PAX7: variants seen among roughly 807,000 people sequenced by gnomAD.
PAX7 encodes paired box protein Pax-7.
Under a neutral mutation model 50.7 loss-of-function variants are expected in PAX7, and 18 were observed. The observed-to-expected ratio is 0.36, with a 90% confidence interval of 0.25 to 0.53. The LOEUF (loss-of-function observed/expected upper bound fraction) is 0.53, where lower values mean the gene tolerates loss of function less well. PAX7 is among the 20% of genes least tolerant of loss of function. PAX7 has a pLI of 0.93. For synonymous variants in PAX7, 310 were observed against 290.4 expected, an observed-to-expected ratio of 1.07 and a Z score of -0.69; for missense variants, 644 against 702.9, an observed-to-expected ratio of 0.92 and a Z score of 0.95.
chr1:18,729,748 G>A (rs888279175), intron 7 of PAX7, among the ~76,000 whole-genome samples: 3 of 152,124 alleles, frequency 2.0e-5, no homozygotes, highest in African/African-American at 7.2e-5. Context: ...TACTTTGATG[G>A]TTCCTTCTTC....
chr1:18,748,734 C>A lies in PAX7; in HGVS notation c.*3805C>A. 1 of 229,786 alleles carries A rather than the reference C, an allele frequency of 4.4e-6. No individual in the cohort carries two copies. Among genetic ancestry groups the A allele is most frequent in the East Asian group, 6.2e-5 (1 of 16,222 alleles). 14.2% of individuals were successfully genotyped at this position (229,786 alleles called of 1,614,324 possible). A position where few individuals can be genotyped will look rare whatever the true frequency, so the allele number is the denominator to read the frequency against. ...AGGTGTGTGTTTAAATATAATCACACCATAATTTATTCAGCTATATGGAGT... is the reference window on the plus strand; with the variant it reads ...AGGTGTGTGTTTAAATATAATCACAACATAATTTATTCAGCTATATGGAGT... On this transcript the variant is annotated 3_prime_UTR_variant, in exon 9 of 9. Coordinates refer to ENST00000420770, the MANE Select transcript of PAX7 (RefSeq NM_001135254.2).
intron 4 of PAX7, among the ~76,000 whole-genome samples, chr1:18,644,088 C>T (rs999097062): frequency 4.6e-5 from 7 of 152,246 alleles, no homozygotes; most frequent in Non-Finnish European, 8.8e-5. Context: ...CCACTTTCCC[C>T]TCTTCCAGGC....
intron 7 of PAX7, among the ~76,000 whole-genome samples, chr1:18,729,233 C>A (rs1261116189): frequency 6.6e-6 from 1 of 152,186 alleles, no homozygotes; most frequent in African/African-American, 2.4e-5. Flanking sequence ...TTGGGGAAGT[C>A]AAAACGGTGA....
Position 18,634,288 on chromosome 1 carries a change from C to T in PAX7, c.86-15C>T. On this transcript the variant is annotated splice_polypyrimidine_tract_variant and intron_variant, in intron 1 of 8. Transcript: ENST00000420770. The surrounding 1 kb of genome is among the most constrained non-coding windows in gnomAD (Gnocchi z 4.0). ...CTGCACCTCTCTCCTTCTGCATCTCCCCTCCCTTCTCCAGTGTCCACCCCG... is the reference window on the plus strand; with the variant it reads ...CTGCACCTCTCTCCTTCTGCATCTCTCCTCCCTTCTCCAGTGTCCACCCCG... The T allele has an allele frequency of 6.2e-7, 1 of 1,605,376 alleles. No individual in the cohort carries two copies. Among genetic ancestry groups the T allele is most frequent in the Non-Finnish European group, 8.5e-7 (1 of 1,173,386 alleles).
chr1:18,680,606 G>A (rs1337465233), intron 4 of PAX7, among the ~76,000 whole-genome samples: 4 of 152,270 alleles, frequency 2.6e-5, no homozygotes, highest in African/African-American at 7.2e-5. Context: ...ACCCAGGTCC[G>A]TCTGACCTCA....
chr1:18,636,464 C>T lies in PAX7; in HGVS notation c.586+93C>T. On this transcript the variant is annotated intron_variant, in intron 4 of 8. Coordinates refer to ENST00000420770, the MANE Select transcript of PAX7 (RefSeq NM_001135254.2). The surrounding 1 kb of genome is among the most constrained non-coding windows in gnomAD (Gnocchi z 5.1). ...GGTTCGCTCCCGCCGCCGGAGCAGG[C>T]GACCAGAACTCCAGCGGAGAAACTC... is the stretch of plus-strand genomic sequence containing the variant. 1 of 1,433,054 alleles carries T rather than the reference C, an allele frequency of 7.0e-7. No homozygotes were observed. Among genetic ancestry groups the T allele is most frequent in the Admixed American group, 2.1e-5 (1 of 46,578 alleles). 88.8% of individuals were successfully genotyped at this position (1,433,054 alleles called of 1,614,324 possible).
intron 4 of PAX7, among the ~76,000 whole-genome samples, chr1:18,686,081 T>A (rs1396308938): frequency 1.3e-5 from 2 of 152,230 alleles, no homozygotes; most frequent in Non-Finnish European, 2.9e-5. Context: ...ACAAGCTGCC[T>A]TGATGTTTTA....
At chr1:18,712,803 C>T (rs1307908780) in intron 7 of PAX7, among the ~76,000 whole-genome samples, 4 of 152,080 alleles carry the variant, frequency 2.6e-5, no homozygotes, top group African/African-American at 4.8e-5. Flanking sequence ...ACTCTGGGGC[C>T]GGGTGTGGTG....
chr1:18,633,608 A>G (rs1292547208), intron 1 of PAX7, among the ~76,000 whole-genome samples: 1 of 152,184 alleles, frequency 6.6e-6, no homozygotes, highest in Non-Finnish European at 1.5e-5. Context: ...TAGGACTTCG[A>G]GGGTGGTTAG....
At chr1:18,731,716 G>A (rs1275671771) in intron 7 of PAX7, among the ~76,000 whole-genome samples, 1 of 152,124 alleles carries the variant, frequency 6.6e-6, no homozygotes, top group African/African-American at 2.4e-5. Context: ...GGGGCTCTGG[G>A]AGAGAGTAAG....
Position 18,726,978 on chromosome 1 carries a change from G to A in PAX7, c.1156-8654G>A, listed in dbSNP as rs1197885726. 2.6e-5 allele frequency among the ~76,000 whole-genome samples: 4 copies of A among 152,130 alleles called. No individual in the cohort carries two copies. The highest frequency in any genetic ancestry group is 9.7e-5 in the African/African-American group (4 of 41,402). ...GAGCTTCAGCCTGTACTCTGGGTTG[G>A]GGCACACAGGATCTGTGCCCTATAC... On this transcript the variant is annotated intron_variant, in intron 7 of 8. Transcript: ENST00000420770. The surrounding 1 kb of genome is among the most constrained non-coding windows in gnomAD (Gnocchi z 4.8).
At chr1:18,658,792 G>T (rs2088559848) in intron 4 of PAX7, among the ~76,000 whole-genome samples, 1 of 152,250 alleles carries the variant, frequency 6.6e-6, no homozygotes, top group South Asian at 2.1e-4. Context: ...AGGAGAGCTG[G>T]CTGGGGTTGA....
chr1:18,702,169 T>C (rs2089230576), intron 6 of PAX7, among the ~76,000 whole-genome samples: 1 of 106,366 alleles, frequency 9.4e-6, no homozygotes, highest in African/African-American at 4.9e-5. Flanking sequence ...CCATCTCTAC[T>C]AAAAATACAA....
At chr1:18,651,237 AT>A (rs1200092197) in intron 4 of PAX7, among the ~76,000 whole-genome samples, 1 of 152,188 alleles carries the variant, frequency 6.6e-6, no homozygotes, top group Non-Finnish European at 1.5e-5. Context: ...CCTGAAAGTG[AT>A]TTGTGTGAAA....
At chr1:18,714,360 G>A (rs1202159300) in intron 7 of PAX7, among the ~76,000 whole-genome samples, 1 of 152,100 alleles carries the variant, frequency 6.6e-6, no homozygotes, top group Non-Finnish European at 1.5e-5. Flanking sequence ...CACCTTGCAG[G>A]CTTATGAGAA....
intron 4 of PAX7, among the ~76,000 whole-genome samples, chr1:18,653,219 G>A (rs1403971301): frequency 3.3e-5 from 5 of 149,578 alleles, no homozygotes. Flanking sequence ...TTTTTTACAC[G>A]AATGGGCTTC....
Position 18,636,394 on chromosome 1 carries a change from G to GAGGCCCCAGCCCGGGTTTTCCC in PAX7, c.586+25_586+46dup. 1 of 1,610,576 alleles carries GAGGCCCCAGCCCGGGTTTTCCC rather than the reference G, an allele frequency of 6.2e-7. No individual in the cohort carries two copies. Among genetic ancestry groups the GAGGCCCCAGCCCGGGTTTTCCC allele is most frequent in the Non-Finnish European group, 8.5e-7 (1 of 1,177,426 alleles). On this transcript the variant is annotated intron_variant, in intron 4 of 8. Transcript: ENST00000420770. This position sits in a 1 kb window ranked among gnomAD's most constrained non-coding sequence, Gnocchi z 5.1. ...AAGGTAGGGAACTTCCCTGGGCTGC[G>GAGGCCCCAGCCCGGGTTTTCCC]AGGCCCCAGCCCGGGTTTTCCCACG... is the stretch of plus-strand genomic sequence containing the variant.
chr1:18,658,869 G>T (rs2088560521), intron 4 of PAX7, among the ~76,000 whole-genome samples: 1 of 152,224 alleles, frequency 6.6e-6, no homozygotes. Context: ...GGGAACCCTT[G>T]CTCAAACAAG....
chr1:18,649,798 ATCC>A (rs1557508921), intron 4 of PAX7, among the ~76,000 whole-genome samples: 1 of 152,192 alleles, frequency 6.6e-6, no homozygotes, highest in Non-Finnish European at 1.5e-5. Flanking sequence ...TGGAATTCAG[ATCC>A]TCATGTAAAT....
Sources: allele counts gnomAD v4.1 joint callset (sites outside exome capture counted in the v4.1 genomes callset), GRCh38; gene constraint gnomAD v4.1.1; non-coding constraint Gnocchi (gnomAD v3.1); transcripts MANE v1.5; gene names NCBI Gene and HGNC (gene_info 2026-07-23, HGNC 2026-07-21).